Variants in PCDH9 observed in about 807,000 individuals in gnomAD.
PCDH9 encodes the protein protocadherin 9.
PCDH9 carries 24 observed loss-of-function variants against 70.6 expected under a neutral mutation model. The ratio of observed to expected loss-of-function variants is 0.34; its 90% CI spans 0.25 to 0.48. PCDH9 has a LOEUF of 0.48. Among genes scored for constraint, PCDH9 ranks in the 20% least tolerant of loss-of-function variants. PCDH9 has a pLI of 0.99. For missense variants in PCDH9, 1,281 were observed against 1,503.6 expected (o/e 0.85, Z 2.45); for synonymous variants, 562 against 558.5 (o/e 1.01, Z -0.09).
intron 4 of PCDH9, among the ~76,000 whole-genome samples, chr13:66,450,706 G>A (rs1362276963): frequency 6.6e-6 from 1 of 152,128 alleles, no homozygotes; most frequent in African/African-American, 2.4e-5. Flanking sequence ...ATTAGCTTAG[G>A]AAAGTAATGG....
chr13:66,801,683 C>T (rs1456436609), intron 3 of PCDH9, among the ~76,000 whole-genome samples: 1 of 151,984 alleles, frequency 6.6e-6, no homozygotes, highest in African/African-American at 2.4e-5. Context: ...TATAGAATTT[C>T]TGAATGTTCA....
At chr13:66,538,882 C>T (rs531108930) in intron 4 of PCDH9, among the ~76,000 whole-genome samples, 47 of 151,968 alleles carry the variant, frequency 3.1e-4, no homozygotes, top group Middle Eastern at 3.4e-3. Context: ...AAATATTTGA[C>T]GGAAGATTAT....
rs116674897 is a variant in PCDH9 at position 66,931,091 on chromosome 13, G to A, written c.3037-27486C>T. Among the ~76,000 whole-genome samples the A allele has an allele frequency of 9.0e-3, 1,374 of 152,180 alleles. 17 individuals carry two copies. The highest frequency in any genetic ancestry group is 0.031 in the African/African-American group (1,302 of 41,532). ...CCACATCAGCTAATGTTTTTCAACT[G>A]TTTTGTTGACTGCAGCTCACTGAAC... On this transcript the variant is annotated intron_variant, in intron 2 of 4. Transcript: ENST00000377865.
chr13:66,522,151 T>A lies in PCDH9; in HGVS notation c.3340+109059A>T, dbSNP rs576034966. Among the ~76,000 whole-genome samples the A allele has an allele frequency of 1.6e-3, 248 of 151,268 alleles. 1 individual carries two copies. Among genetic ancestry groups the A allele is most frequent in the African/African-American group, 4.9e-3 (201 of 41,388 alleles). On this transcript the variant is annotated intron_variant, in intron 4 of 4. Coordinates refer to ENST00000377865, the MANE Select transcript of PCDH9 (RefSeq NM_203487.3). Reference sequence around the variant, plus strand: ...TAAAAATTACCTAAGGAAATTTTTTTAAAAAAATACCAATGTAGAAAACCC... The same window carrying A: ...TAAAAATTACCTAAGGAAATTTTTTAAAAAAAATACCAATGTAGAAAACCC...
chr13:67,090,355 A>C (rs935869155), intron 2 of PCDH9, among the ~76,000 whole-genome samples: 3 of 152,074 alleles, frequency 2.0e-5, no homozygotes, highest in African/African-American at 7.2e-5. Context: ...AACACTTTGA[A>C]TAGCATGGCT....
At chr13:67,004,478 A>T (rs576481383) in intron 2 of PCDH9, among the ~76,000 whole-genome samples, 66 of 148,568 alleles carry the variant, frequency 4.4e-4, no homozygotes, top group African/African-American at 1.5e-3. Context: ...AATCGCTTGA[A>T]CCCGGGAGGC....
intron 4 of PCDH9, among the ~76,000 whole-genome samples, chr13:66,462,337 T>C (rs573433588): frequency 1.3e-5 from 2 of 152,018 alleles, no homozygotes; most frequent in South Asian, 4.1e-4. Context: ...TAAACCTTTA[T>C]GGTTTGAAGA....
At chr13:66,417,825 T>C (rs1419177010) in intron 4 of PCDH9, among the ~76,000 whole-genome samples, 3 of 152,244 alleles carry the variant, frequency 2.0e-5, no homozygotes, top group Non-Finnish European at 4.4e-5. Context: ...TGTCTGTTCA[T>C]ATCCTTCGCC....
chr13:67,056,772 T>C (rs996963784), intron 2 of PCDH9, among the ~76,000 whole-genome samples: 3 of 152,144 alleles, frequency 2.0e-5, no homozygotes, highest in African/African-American at 7.2e-5. Flanking sequence ...GCCTGGTACT[T>C]AGTGAGTGTC....
chr13:66,951,159 G>C (rs761634542), intron 2 of PCDH9, among the ~76,000 whole-genome samples: 12 of 152,082 alleles, frequency 7.9e-5, no homozygotes, highest in Non-Finnish European at 1.8e-4. Context: ...TCATAATGAC[G>C]AAAGGGTTTA....
chr13:66,761,594 A>C (rs2079628619), intron 3 of PCDH9, among the ~76,000 whole-genome samples: 1 of 151,930 alleles, frequency 6.6e-6, no homozygotes, highest in Non-Finnish European at 1.5e-5. Flanking sequence ...TTGAGTTTAA[A>C]ATTCTTTCTT....
intron 2 of PCDH9, among the ~76,000 whole-genome samples, chr13:66,951,622 G>A (rs1432290659): frequency 6.6e-6 from 1 of 152,010 alleles, no homozygotes; most frequent in Admixed American, 6.6e-5. Flanking sequence ...GTTCTCCCAG[G>A]GCCCATCGCT....
At chr13:66,429,191 T>C (rs369012098) in intron 4 of PCDH9, among the ~76,000 whole-genome samples, 5 of 152,002 alleles carry the variant, frequency 3.3e-5, no homozygotes, top group African/African-American at 4.8e-5. Context: ...AGAAGGAGAC[T>C]GTATTTCAGA....
intron 4 of PCDH9, among the ~76,000 whole-genome samples, chr13:66,389,238 T>C (rs1170329280): frequency 6.6e-6 from 1 of 152,226 alleles, no homozygotes; most frequent in Non-Finnish European, 1.5e-5. Flanking sequence ...TATCATTTTC[T>C]ATTCTCCAAT....
chr13:66,675,642 C>T (rs997049525), intron 3 of PCDH9, among the ~76,000 whole-genome samples: 9 of 152,002 alleles, frequency 5.9e-5, no homozygotes, highest in African/African-American at 1.2e-4. Context: ...ATGCCTTTTC[C>T]CTAAAGCAAT....
At chr13:66,821,278 G>C (rs2080707542) in intron 3 of PCDH9, among the ~76,000 whole-genome samples, 1 of 151,922 alleles carries the variant, frequency 6.6e-6, no homozygotes, top group Non-Finnish European at 1.5e-5. Context: ...TTAGACCTGT[G>C]GGTTAGGAAA....
At chr13:66,545,917 C>A (rs1406327152) in intron 4 of PCDH9, among the ~76,000 whole-genome samples, 1 of 151,574 alleles carries the variant, frequency 6.6e-6, no homozygotes, top group Non-Finnish European at 1.5e-5. Flanking sequence ...TGGCTCACTG[C>A]AAGCTCCACT....
chr13:66,600,008 C>T (rs775242896), intron 4 of PCDH9, among the ~76,000 whole-genome samples: 9 of 151,756 alleles, frequency 5.9e-5, no homozygotes, highest in South Asian at 4.1e-4. Context: ...TTTATTATGG[C>T]ACTTGTCAAT....
At chr13:67,062,639 A>G (rs2085561383) in intron 2 of PCDH9, among the ~76,000 whole-genome samples, 4 of 152,190 alleles carry the variant, frequency 2.6e-5, no homozygotes, top group Admixed American at 2.6e-4. Context: ...GTCTTAAAGA[A>G]CTATTCCTTT....
Sources: gnomAD v4.1 joint callset for allele counts (sites outside exome capture counted in the v4.1 genomes callset) on GRCh38, gnomAD v4.1.1 for gene constraint, MANE v1.5 for transcripts, NCBI Gene and HGNC (gene_info 2026-07-23, HGNC 2026-07-21) for gene names.